Variants in STX8 observed in about 807,000 individuals in gnomAD.
The protein encoded by STX8 is syntaxin 8.
STX8 carries 23 observed loss-of-function variants against 37.5 expected under a neutral mutation model. That is an observed-to-expected ratio of 0.61 (90% CI 0.44 to 0.87). The LOEUF is 0.87. Among genes scored for constraint, STX8 ranks in the 40% least tolerant of loss-of-function variants. The pLI is 0.00. For missense variants in STX8, 313 were observed against 284.7 expected (o/e 1.10, Z -0.71); for synonymous variants, 115 against 99.1 (o/e 1.16, Z -0.95).
At chr17:9,260,407 T>C (rs1388212566) in intron 7 of STX8, among the ~76,000 whole-genome samples, 1 of 152,132 alleles carries the variant, frequency 6.6e-6, no homozygotes, top group Non-Finnish European at 1.5e-5. Flanking sequence ...GCGGATCCCC[T>C]GAGGCCGGGA....
At chr17:9,384,470 C>T (rs1296145632) in intron 6 of STX8, among the ~76,000 whole-genome samples, 1 of 152,054 alleles carries the variant, frequency 6.6e-6, no homozygotes. Flanking sequence ...AACCCCGTCT[C>T]TACTAAAAAT....
intron 5 of STX8, among the ~76,000 whole-genome samples, chr17:9,498,388 T>TAA (rs1904485593): frequency 8.0e-6 from 1 of 124,288 alleles, no homozygotes; most frequent in African/African-American, 3.3e-5. Flanking sequence ...AGACACCATC[T>TAA]CAAAAAAAAA....
intron 4 of STX8, among the ~76,000 whole-genome samples, chr17:9,518,745 G>C (rs1012428399): frequency 5.3e-5 from 8 of 151,912 alleles, no homozygotes; most frequent in Admixed American, 3.3e-4. Flanking sequence ...GTGGGCGCCT[G>C]CAATCCCAGC....
At chr17:9,265,264 C>T (rs998144726) in intron 7 of STX8, among the ~76,000 whole-genome samples, 2 of 152,160 alleles carry the variant, frequency 1.3e-5, no homozygotes, top group African/African-American at 4.8e-5. Context: ...ATGAGATGGG[C>T]TCCAGTTCCA....
intron 7 of STX8, among the ~76,000 whole-genome samples, chr17:9,314,285 A>T (rs1909301854): frequency 6.6e-6 from 1 of 152,210 alleles, no homozygotes; most frequent in Admixed American, 6.5e-5. Flanking sequence ...GGTTTATTCT[A>T]ACCAAAATGC....
intron 6 of STX8, among the ~76,000 whole-genome samples, chr17:9,404,688 C>T (rs974179777): frequency 6.6e-6 from 1 of 152,222 alleles, no homozygotes; most frequent in South Asian, 2.1e-4. Context: ...CTCCTGACCT[C>T]GTGATCTGCC....
At chr17:9,280,218 T>C (rs1465025555) in intron 7 of STX8, among the ~76,000 whole-genome samples, 2 of 152,078 alleles carry the variant, frequency 1.3e-5, no homozygotes, top group African/African-American at 2.4e-5. Flanking sequence ...AGTAAGATCC[T>C]ATCTCAAAAA....
At chr17:9,331,664 G>A (rs74370928) in intron 7 of STX8, among the ~76,000 whole-genome samples, 3,839 of 152,182 alleles carry the variant, frequency 0.025, 177 homozygotes, top group African/African-American at 0.088. Flanking sequence ...AATTTGCATC[G>A]CCAATGCTGC....
chr17:9,550,138 C>T (rs962273057), intron 3 of STX8, among the ~76,000 whole-genome samples: 12 of 151,326 alleles, frequency 7.9e-5, no homozygotes, highest in South Asian at 2.1e-4. Context: ...GCAGGAGAAT[C>T]GCTGGAACCC....
At chr17:9,293,894 T>G (rs1284150706) in intron 7 of STX8, among the ~76,000 whole-genome samples, 1 of 151,822 alleles carries the variant, frequency 6.6e-6, no homozygotes, top group Non-Finnish European at 1.5e-5. Flanking sequence ...CCCAAGTACC[T>G]GGGACTACAG....
At chr17:9,510,754 AAAT>A (rs1242816378) in intron 4 of STX8, among the ~76,000 whole-genome samples, 3 of 152,110 alleles carry the variant, frequency 2.0e-5, no homozygotes, top group Admixed American at 1.3e-4. Flanking sequence ...TAAAGGAAAG[AAAT>A]AATAAAGATC....
chr17:9,457,154 T>C (rs1327546799), intron 6 of STX8, among the ~76,000 whole-genome samples: 3 of 152,240 alleles, frequency 2.0e-5, no homozygotes, highest in Non-Finnish European at 4.4e-5. Context: ...ACTAGTTTCC[T>C]ACTGCTGCTA....
At chr17:9,521,590 T>C (rs972728645) in intron 4 of STX8, among the ~76,000 whole-genome samples, 2 of 152,126 alleles carry the variant, frequency 1.3e-5, no homozygotes, top group African/African-American at 4.8e-5. Context: ...CATCCACCCT[T>C]CCATCCATCC....
At chr17:9,495,260 T>A (rs142967266) in intron 5 of STX8, among the ~76,000 whole-genome samples, 8 of 152,190 alleles carry the variant, frequency 5.3e-5, no homozygotes, top group Non-Finnish European at 1.2e-4. Context: ...AATCACTTTA[T>A]AATGAGGTCC....
At chr17:9,534,165 AATT>A (rs1905932991) in intron 4 of STX8, among the ~76,000 whole-genome samples, 2 of 143,432 alleles carry the variant, frequency 1.4e-5, no homozygotes, top group South Asian at 4.3e-4. Flanking sequence ...AACGGACATT[AATT>A]ATTGATAGTT....
At chr17:9,535,542 C>T (rs943350323) in intron 4 of STX8, among the ~76,000 whole-genome samples, 4 of 147,382 alleles carry the variant, frequency 2.7e-5, no homozygotes, top group African/African-American at 1.0e-4. Flanking sequence ...ACACCATTCT[C>T]CTGCCTCAGC....
At chr17:9,517,441 T>C (rs576066758) in intron 4 of STX8, among the ~76,000 whole-genome samples, 22 of 152,364 alleles carry the variant, frequency 1.4e-4, no homozygotes, top group Non-Finnish European at 3.1e-4. Context: ...TGCTATAATA[T>C]GTTTTGTGAT....
intron 7 of STX8, among the ~76,000 whole-genome samples, chr17:9,297,135 C>T (rs891484766): frequency 2.0e-5 from 3 of 151,438 alleles, no homozygotes; most frequent in African/African-American, 7.3e-5. Flanking sequence ...AAAACGTCAG[C>T]TCTCATTTAT....
chr17:9,420,868 G>T (rs147334932), intron 6 of STX8, among the ~76,000 whole-genome samples: 31 of 152,280 alleles, frequency 2.0e-4, no homozygotes, highest in African/African-American at 6.7e-4. Flanking sequence ...TAGAATTGTG[G>T]ACGGTCATTT....
Sources: allele counts gnomAD v4.1 joint callset (sites outside exome capture counted in the v4.1 genomes callset), GRCh38; gene constraint gnomAD v4.1.1; transcripts MANE v1.5; gene names NCBI Gene and HGNC (gene_info 2026-07-23, HGNC 2026-07-21).